The following SAMSN1 variants were observed in gnomAD, a reference collection of about 807,000 sequenced individuals.
SAMSN1 encodes SAM domain-containing protein SAMSN-1.
In SAMSN1, 31 loss-of-function variants were observed where a neutral mutation model predicts 42.0. The observed-to-expected ratio is 0.74, with a 90% CI of 0.55 to 1.00. The LOEUF (loss-of-function observed/expected upper bound fraction) is 1.00, where lower values mean the gene tolerates loss of function less well. Among genes scored for constraint, SAMSN1 ranks in the 50% least tolerant of loss-of-function variants. SAMSN1 has a pLI of 0.00. For synonymous variants in SAMSN1, 178 were observed against 151.9 expected, an observed-to-expected ratio of 1.17 and a Z score of -1.26; for missense variants, 464 against 439.4, an observed-to-expected ratio of 1.06 and a Z score of -0.50.
chr21:14,625,239 A>G (rs1983134293), intron 2 of SAMSN1, among the ~76,000 whole-genome samples: 1 of 152,120 alleles, frequency 6.6e-6, no homozygotes, highest in African/African-American at 2.4e-5. Context: ...GCCCTCTTTC[A>G]CCACTCCTAT....
At chr21:14,601,697 T>C (rs546540863) in intron 6 of SAMSN1, among the ~76,000 whole-genome samples, 1 of 152,344 alleles carries the variant, frequency 6.6e-6, no homozygotes, top group Non-Finnish European at 1.5e-5. Context: ...TCACAGTTTA[T>C]GTTTTTATAT....
At chr21:14,512,308 A>C in intron 4 of SAMSN1, 136 bp downstream of exon 4, 1 of 883,022 alleles carries the variant, frequency 1.1e-6, no homozygotes, top group East Asian at 2.4e-5. Context: ...CTCTATATAG[A>C]TTTAATATAT....
intron 1 of SAMSN1, among the ~76,000 whole-genome samples, chr21:14,655,273 G>A (rs1983897893): frequency 6.6e-6 from 1 of 151,386 alleles, no homozygotes; most frequent in South Asian, 2.1e-4. Flanking sequence ...AGCATAGAAG[G>A]ATAAATAGAA....
intron 7 of SAMSN1, among the ~76,000 whole-genome samples, chr21:14,590,026 T>G (rs532813470): frequency 2.1e-4 from 32 of 152,166 alleles, no homozygotes; most frequent in Non-Finnish European, 4.6e-4. Flanking sequence ...ACATTGACAG[T>G]TTTCTCTAAG....
At chr21:14,509,453 A>G (rs1036654953) in intron 5 of SAMSN1, among the ~76,000 whole-genome samples, 3 of 152,238 alleles carry the variant, frequency 2.0e-5, no homozygotes, top group Admixed American at 6.5e-5. Context: ...AGTGCAGTGT[A>G]TACTGCTTGG....
chr21:14,636,389 C>T (rs1983467545), intron 2 of SAMSN1, among the ~76,000 whole-genome samples: 1 of 152,154 alleles, frequency 6.6e-6, no homozygotes, highest in African/African-American at 2.4e-5. Flanking sequence ...TAACTCCTCA[C>T]CCCACTGCCA....
chr21:14,570,591 T>C (rs966965053), intron 2 of SAMSN1, among the ~76,000 whole-genome samples: 6 of 152,226 alleles, frequency 3.9e-5, no homozygotes, highest in Non-Finnish European at 8.8e-5. Flanking sequence ...TCGGTTGGCA[T>C]CACAAGAGAT....
At chr21:14,585,628 A>T (rs558027724), upstream of SAMSN1, 1 of 152,176 alleles carries the variant, frequency 6.6e-6, no homozygotes, top group Non-Finnish European at 1.5e-5. Context: ...TTAAAGCATG[A>T]TATTGTTAAT....
intron 2 of SAMSN1, among the ~76,000 whole-genome samples, chr21:14,621,879 C>T (rs377490979): frequency 1.6e-4 from 25 of 152,214 alleles, no homozygotes; most frequent in South Asian, 4.1e-4. Flanking sequence ...CACCCCAGTA[C>T]GGGCAGACTG....
intron 7 of SAMSN1, among the ~76,000 whole-genome samples, chr21:14,487,182 A>C (rs570155153): frequency 1.3e-5 from 2 of 152,146 alleles, no homozygotes; most frequent in African/African-American, 4.8e-5. Flanking sequence ...TGGGACAAGA[A>C]CTCTGCCTAC....
Position 14,643,120 on chromosome 21 carries a change from TC to T in SAMSN1, c.37del (p.Asp13IlefsTer45). The T allele has an allele frequency of 1.4e-6, 1 of 717,274 alleles. No homozygotes were observed. Among genetic ancestry groups the T allele is most frequent in the Non-Finnish European group, 2.6e-6 (1 of 384,968 alleles). 44.4% of individuals were successfully genotyped at this position (717,274 alleles called of 1,614,324 possible). A position where few individuals can be genotyped will look rare whatever the true frequency, so the allele number is the denominator to read the frequency against. Reference sequence around the variant, plus strand: ...CTCTGGGATTGGCTCATATAAGCTATCCATAGAGCCCTCCTGCAATACAGAG... The same window carrying T: ...CTCTGGGATTGGCTCATATAAGCTATCATAGAGCCCTCCTGCAATACAGAG... On this transcript the variant is annotated frameshift_variant, in exon 2 of 16. Transcript: ENST00000647101. LOFTEE classifies it high-confidence loss of function.
intron 1 of SAMSN1, among the ~76,000 whole-genome samples, chr21:14,655,691 G>C (rs908480958): frequency 1.3e-5 from 2 of 151,700 alleles, no homozygotes; most frequent in Admixed American, 6.6e-5. Flanking sequence ...TCCTCATGAA[G>C]ACTGAATTAT....
intron 2 of SAMSN1, among the ~76,000 whole-genome samples, chr21:14,627,600 A>G (rs1466576696): frequency 2.0e-5 from 3 of 152,196 alleles, no homozygotes; most frequent in Non-Finnish European, 4.4e-5. Flanking sequence ...GTGGTTCTAC[A>G]AATTGTCTGG....
chr21:14,491,687 C>T (rs865897416), intron 7 of SAMSN1, among the ~76,000 whole-genome samples: 44 of 152,272 alleles, frequency 2.9e-4, no homozygotes, highest in African/African-American at 1.0e-3. Context: ...ATCTTTGGGT[C>T]TTCATTTCCC....
intron 1 of SAMSN1, among the ~76,000 whole-genome samples, chr21:14,542,981 A>G (rs1980139908): frequency 6.6e-6 from 1 of 152,198 alleles, no homozygotes; most frequent in Non-Finnish European, 1.5e-5. Flanking sequence ...AAGAATAAAG[A>G]TAACAGTACC....
chr21:14,569,922 A>G (rs897778563), intron 2 of SAMSN1, among the ~76,000 whole-genome samples: 1 of 152,096 alleles, frequency 6.6e-6, no homozygotes, highest in African/African-American at 2.4e-5. Flanking sequence ...TTTTTCTAAA[A>G]GGAAATAACT....
chr21:14,572,986 G>T (rs900442528), intron 2 of SAMSN1, among the ~76,000 whole-genome samples: 3 of 152,154 alleles, frequency 2.0e-5, no homozygotes, highest in African/African-American at 4.8e-5. Context: ...CCATGATACT[G>T]TCTTACTGAA....
intron 2 of SAMSN1, among the ~76,000 whole-genome samples, chr21:14,627,349 A>G (rs561916819): frequency 6.6e-5 from 10 of 152,308 alleles, no homozygotes; most frequent in Admixed American, 6.5e-4. Flanking sequence ...ATAAATGCAT[A>G]TACCCCAATA....
chr21:14,579,799 T>C (rs577454571), intron 2 of SAMSN1, among the ~76,000 whole-genome samples: 1 of 152,162 alleles, frequency 6.6e-6, no homozygotes, highest in Admixed American at 6.5e-5. Flanking sequence ...CAGATATTTA[T>C]TGAGGACCCA....
Sources: allele counts gnomAD v4.1 joint callset (sites outside exome capture counted in the v4.1 genomes callset), GRCh38; gene constraint gnomAD v4.1.1; transcripts MANE v1.5; gene names NCBI Gene and HGNC (gene_info 2026-07-23, HGNC 2026-07-21).